Variants in EXOC4 observed in about 807,000 individuals in gnomAD.
The protein encoded by EXOC4 is exocyst complex component 4, also known as SEC8-like 1.
EXOC4 carries 71 observed loss-of-function variants against 107.2 expected under a neutral mutation model. The observed-to-expected ratio is 0.66, with a 90% CI of 0.55 to 0.81. The LOEUF is 0.81. Among genes scored for constraint, EXOC4 ranks in the 30% least tolerant of loss-of-function variants. The probability of loss-of-function intolerance (pLI) is 0.00; values close to 1 mark genes in which losing one functional copy is unlikely to be tolerated. For missense variants in EXOC4, 1,108 were observed against 1,189.6 expected (o/e 0.93, Z 1.01); for synonymous variants, 456 against 441.2 (o/e 1.03, Z -0.42).
chr7:133,471,725 T>C (rs1408697763), intron 7 of EXOC4, among the ~76,000 whole-genome samples: 1 of 152,224 alleles, frequency 6.6e-6, no homozygotes, highest in Non-Finnish European at 1.5e-5. Context: ...TTTAAAAAGT[T>C]CAGCAATTTG....
intron 1 of EXOC4, among the ~76,000 whole-genome samples, chr7:133,258,546 G>A (rs1206449583): frequency 1.3e-5 from 2 of 152,168 alleles, no homozygotes; most frequent in African/African-American, 2.4e-5. Flanking sequence ...CACATGAGAT[G>A]AGGGTATATA....
intron 10 of EXOC4, among the ~76,000 whole-genome samples, chr7:133,746,817 C>T (rs1795686879): frequency 6.6e-6 from 1 of 152,138 alleles, no homozygotes; most frequent in South Asian, 2.1e-4. Flanking sequence ...CTCGTGATTC[C>T]TCATTCAACT....
intron 11 of EXOC4, among the ~76,000 whole-genome samples, chr7:133,867,031 T>G (rs1798655610): frequency 6.6e-6 from 1 of 152,186 alleles, no homozygotes. Context: ...CTGTGATCTC[T>G]CCACTCATGC....
At chr7:133,647,766 T>C (rs756714757) in intron 10 of EXOC4, among the ~76,000 whole-genome samples, 14 of 152,050 alleles carry the variant, frequency 9.2e-5, no homozygotes, top group Non-Finnish European at 1.6e-4. Flanking sequence ...TAATCCACAG[T>C]CAAACAGATA....
intron 9 of EXOC4, among the ~76,000 whole-genome samples, chr7:133,548,893 A>G (rs945221412): frequency 6.6e-6 from 1 of 152,202 alleles, no homozygotes; most frequent in African/African-American, 2.4e-5. Flanking sequence ...ATTTCCTTCA[A>G]GAACTTTTCT....
Position 134,064,348 on chromosome 7 carries a change from C to A in EXOC4, c.2745C>A (p.Asp915Glu). Residue 915 changes from aspartate (D) to glutamate (E), a missense_variant, in exon 18 of 18, where the codon GAC becomes GAA. Asp to Glu is a conservative substitution (Grantham distance 45). Transcript: ENST00000253861. ...ACGAGCTCCTGAACCTGGTGGTGGA[C>A]CAGGGTGTGAAGTACACGGAGCTGG... ...TADELLNLVV[D>E]QGVKYTELEY... The A allele has an allele frequency of 6.6e-7, 1 of 1,519,950 alleles. No homozygotes were observed. Among genetic ancestry groups the A allele is most frequent in the Admixed American group, 2.0e-5 (1 of 49,464 alleles). The allele number at this position is 1,519,950 out of a possible 1,614,324, so 94.2% of individuals were successfully genotyped here.
chr7:133,519,603 T>C (rs1799944045), intron 9 of EXOC4, among the ~76,000 whole-genome samples: 3 of 151,920 alleles, frequency 2.0e-5, no homozygotes, highest in African/African-American at 4.8e-5. Context: ...TATTTAAAAA[T>C]AGGAGAAAAA....
At chr7:133,513,725 T>C (rs1488943636) in intron 9 of EXOC4, among the ~76,000 whole-genome samples, 1 of 152,216 alleles carries the variant, frequency 6.6e-6, no homozygotes, top group African/African-American at 2.4e-5. Flanking sequence ...TATAAGAATG[T>C]GTTGCTCTTT....
rs1264773048 is a variant in EXOC4, at chr7:133,818,414, G to A, written c.1734+870G>A. Among the ~76,000 whole-genome samples, 5 of 152,254 alleles carry A rather than the reference G, an allele frequency of 3.3e-5. No individual in the cohort carries two copies. The East Asian group carries it at 9.7e-4, about 29-fold the overall frequency. ...GAAGGGAGTTTTACTTGTTCCAGTT[G>A]CCTGCCCTTACCTGCCTTTACATAT... is the stretch of plus-strand genomic sequence containing the variant. On this transcript the variant is annotated intron_variant, in intron 11 of 17. Coordinates refer to ENST00000253861, the MANE Select transcript of EXOC4 (RefSeq NM_021807.4).
Position 133,792,553 on chromosome 7 carries a change from C to CAAAAA in EXOC4, c.1515-24756_1515-24752dup, listed in dbSNP as rs56408972. Among the ~76,000 whole-genome samples the CAAAAA allele has an allele frequency of 4.8e-3, 346 of 72,654 alleles. 1 individual carries two copies. Among genetic ancestry groups the CAAAAA allele is most frequent in the East Asian group, 9.3e-3 (22 of 2,360 alleles). 47.7% of individuals were successfully genotyped at this position (72,654 alleles called of 152,430 possible). A position where few individuals can be genotyped will look rare whatever the true frequency, so the allele number is the denominator to read the frequency against. ...GGGTAACAGAGTGAGACCCTGTCTC[C>CAAAAA]AAAAAAAAAAAAAAAAAAAACCTAA... On this transcript the variant is annotated intron_variant, in intron 10 of 17. Coordinates refer to ENST00000253861, the MANE Select transcript of EXOC4 (RefSeq NM_021807.4).
intron 10 of EXOC4, among the ~76,000 whole-genome samples, chr7:133,728,866 C>G (rs1461672214): frequency 6.6e-6 from 1 of 152,162 alleles, no homozygotes; most frequent in Non-Finnish European, 1.5e-5. Flanking sequence ...GAACTCTCCA[C>G]CTTTTGAGGA....
At chr7:133,457,847 A>G (rs1798498871) in intron 7 of EXOC4, among the ~76,000 whole-genome samples, 1 of 152,164 alleles carries the variant, frequency 6.6e-6, no homozygotes, top group Admixed American at 6.6e-5. Context: ...TTCTGTGGCC[A>G]AATTTAATCA....
chr7:133,581,829 C>T (rs1410857210), intron 9 of EXOC4, among the ~76,000 whole-genome samples: 2 of 151,382 alleles, frequency 1.3e-5, no homozygotes, highest in African/African-American at 4.8e-5. Context: ...TTAATTGACT[C>T]ACAGTTCTGC....
chr7:133,646,062 C>G (rs1802984197), intron 10 of EXOC4, among the ~76,000 whole-genome samples: 1 of 151,496 alleles, frequency 6.6e-6, no homozygotes, highest in African/African-American at 2.4e-5. Context: ...AAACAGCATA[C>G]ATATCAGAGG....
chr7:133,756,422 C>T (rs1347416762), intron 10 of EXOC4, among the ~76,000 whole-genome samples: 2 of 152,200 alleles, frequency 1.3e-5, no homozygotes, highest in East Asian at 3.9e-4. Flanking sequence ...AAGTGTTGAG[C>T]TTGATCATCT....
chr7:133,580,587 G>A (rs1025750049), intron 9 of EXOC4, among the ~76,000 whole-genome samples: 1 of 152,178 alleles, frequency 6.6e-6, no homozygotes. Context: ...GAGGTGTAAA[G>A]TAAACTTGAA....
chr7:133,444,710 T>C (rs1487964094), intron 7 of EXOC4, among the ~76,000 whole-genome samples: 1 of 152,028 alleles, frequency 6.6e-6, no homozygotes, highest in Admixed American at 6.6e-5. Context: ...CACATTAAGA[T>C]TGAGGGAACG....
At chr7:133,589,129 C>G (rs1361713681) in intron 9 of EXOC4, among the ~76,000 whole-genome samples, 1 of 152,046 alleles carries the variant, frequency 6.6e-6, no homozygotes, top group East Asian at 1.9e-4. Flanking sequence ...TTAGTCCTTC[C>G]CTAAAGAACT....
intron 9 of EXOC4, among the ~76,000 whole-genome samples, chr7:133,550,848 A>C (rs750629004): frequency 5.3e-5 from 8 of 152,076 alleles, no homozygotes; most frequent in Non-Finnish European, 1.0e-4. Flanking sequence ...TATTTTATAG[A>C]TATGATTAAA....
Sources: allele counts gnomAD v4.1 joint callset (sites outside exome capture counted in the v4.1 genomes callset), GRCh38; gene constraint gnomAD v4.1.1; transcripts MANE v1.5; gene names NCBI Gene and HGNC (gene_info 2026-07-23, HGNC 2026-07-21).